Variants in HABP4 observed in about 807,000 individuals in gnomAD.
HABP4 encodes hyaluronan binding protein 4.
A neutral mutation model predicts 44.1 loss-of-function variants in HABP4; 32 were observed. The ratio of observed to expected loss-of-function variants is 0.73; its 90% CI spans 0.55 to 0.97. The LOEUF is 0.97. Ranked by LOEUF, HABP4 falls within the 50% of genes least tolerant of loss-of-function variation. The probability of loss-of-function intolerance (pLI) is 0.00; values close to 1 mark genes in which losing one functional copy is unlikely to be tolerated. For missense variants in HABP4, 503 were observed against 561.9 expected (o/e 0.90, Z 1.06); for synonymous variants, 216 against 218.0 (o/e 0.99, Z 0.08).
intron 5 of HABP4, among the ~76,000 whole-genome samples, chr9:96,474,132 G>A (rs949924025): frequency 9.2e-5 from 14 of 152,146 alleles, no homozygotes; most frequent in African/African-American, 3.4e-4. Flanking sequence ...AAGAGTGAAA[G>A]GCCACAGTGA....
At chr9:96,466,357 G>A (rs147775529) in intron 4 of HABP4, among the ~76,000 whole-genome samples, 1 of 152,038 alleles carries the variant, frequency 6.6e-6, no homozygotes, top group Non-Finnish European at 1.5e-5. Flanking sequence ...GTGACAGAGC[G>A]AGACACAGCA....
chr9:96,450,653 G>A lies in HABP4; in HGVS notation c.349+25G>A. 3 of 1,254,754 alleles carry A rather than the reference G, an allele frequency of 2.4e-6. No individual in the cohort carries two copies. The highest frequency in any genetic ancestry group is 5.9e-5 in the South Asian group (2 of 34,020). 77.7% of individuals were successfully genotyped at this position (1,254,754 alleles called of 1,614,324 possible). ...GGTACGCGGGGACAGCGGGGTTAGC[G>A]GACCACGGCTCGGCCCGCTGTGAGA... On this transcript the variant is annotated intron_variant, in intron 1 of 7. Coordinates refer to ENST00000375249, the MANE Select transcript of HABP4 (RefSeq NM_014282.4). The surrounding 1 kb of genome is among the most constrained non-coding windows in gnomAD (Gnocchi z 4.8).
chr9:96,467,072 G>A (rs1359035888), intron 4 of HABP4, among the ~76,000 whole-genome samples: 1 of 151,888 alleles, frequency 6.6e-6, no homozygotes, highest in East Asian at 1.9e-4. Context: ...ACAGGTGCAC[G>A]CCACCATGCC....
At chr9:96,470,117 G>A (rs555608692) in intron 4 of HABP4, among the ~76,000 whole-genome samples, 1 of 152,138 alleles carries the variant, frequency 6.6e-6, no homozygotes, top group Non-Finnish European at 1.5e-5. Flanking sequence ...AGACCAGCCT[G>A]AGGAACAAAG....
chr9:96,481,244 C>A (rs1039008416), intron 5 of HABP4, among the ~76,000 whole-genome samples: 11 of 152,114 alleles, frequency 7.2e-5, no homozygotes, highest in African/African-American at 2.7e-4. Context: ...CAGGCGTGTG[C>A]CACCACACCC....
At chr9:96,452,938 T>G (rs1832311976) in intron 1 of HABP4, among the ~76,000 whole-genome samples, 1 of 107,790 alleles carries the variant, frequency 9.3e-6, no homozygotes, top group Admixed American at 8.4e-5. Flanking sequence ...TTTTTTTTTT[T>G]GAGACAGAGT....
Position 96,450,419 on chromosome 9 carries a change from G to T in HABP4, c.140G>T (p.Arg47Leu). The T allele has an allele frequency of 3.0e-6, 1 of 338,386 alleles. No homozygotes were observed. Among genetic ancestry groups the T allele is most frequent in the Non-Finnish European group, 5.5e-6 (1 of 182,934 alleles). The allele number at this position is 338,386 out of a possible 1,614,324, so 21.0% of individuals were successfully genotyped here. A position where few individuals can be genotyped will look rare whatever the true frequency, so the allele number is the denominator to read the frequency against. Reference protein sequence around the residue: ...DPFDILREAERRRQQQLQRKR... With the variant: ...DPFDILREAELRRQQQLQRKR... ...TTCGACATCCTGCGCGAGGCCGAGC[G>T]CCGGCGCCAGCAGCAGCTGCAGCGC... is the stretch of plus-strand genomic sequence containing the variant. Residue 47 changes from arginine to leucine, a missense_variant, in exon 1 of 8, where the codon CGC (arginine) becomes CTC (leucine). Arg to Leu is a moderately radical substitution (Grantham distance 102). Transcript: ENST00000375249. The surrounding 1 kb of genome is among the most constrained non-coding windows in gnomAD (Gnocchi z 4.8).
intron 1 of HABP4, among the ~76,000 whole-genome samples, chr9:96,455,667 G>A (rs1338200937): frequency 1.3e-5 from 2 of 151,868 alleles, no homozygotes; most frequent in African/African-American, 2.4e-5. Flanking sequence ...TCAGGAGGCC[G>A]AGGCAGTAGA....
chr9:96,454,048 G>T (rs993315707), intron 1 of HABP4, among the ~76,000 whole-genome samples: 1 of 152,160 alleles, frequency 6.6e-6, no homozygotes, highest in Non-Finnish European at 1.5e-5. Flanking sequence ...GTAGCCAATT[G>T]TATTTAACAG....
At chr9:96,476,948 T>G (rs941724490) in intron 5 of HABP4, among the ~76,000 whole-genome samples, 18 of 152,374 alleles carry the variant, frequency 1.2e-4, no homozygotes, top group African/African-American at 4.3e-4. Context: ...CTGATACTGC[T>G]GAAGGAGGCT....
rs1832242393 is a variant in HABP4, at chr9:96,450,269, G to T, written c.-11G>T. 1.4e-6 allele frequency: 2 copies of T among 1,432,656 alleles called. No individual in the cohort carries two copies. The highest frequency in any genetic ancestry group is 2.5e-5 in the Admixed American group (1 of 39,916). 88.7% of individuals were successfully genotyped at this position (1,432,656 alleles called of 1,614,324 possible). Reference sequence around the variant, plus strand: ...GGGCTGCCCTCCCGGGCCCGCAGTGGTCGCGGCGGCATGAAGGGCGCTCTG... The same window carrying T: ...GGGCTGCCCTCCCGGGCCCGCAGTGTTCGCGGCGGCATGAAGGGCGCTCTG... On this transcript the variant is annotated 5_prime_UTR_variant, in exon 1 of 8. Transcript: ENST00000375249. The surrounding 1 kb of genome is among the most constrained non-coding windows in gnomAD (Gnocchi z 4.8).
chr9:96,462,285 CT>C (rs1373967439), intron 2 of HABP4, among the ~76,000 whole-genome samples: 3 of 151,546 alleles, frequency 2.0e-5, no homozygotes, highest in Non-Finnish European at 4.4e-5. Flanking sequence ...AACCACATCT[CT>C]ACTAAAAATA....
chr9:96,488,078 T>C lies in HABP4; in HGVS notation c.1000-11T>C, dbSNP rs761140410. On this transcript the variant is annotated splice_polypyrimidine_tract_variant and intron_variant, in intron 6 of 7. Transcript: ENST00000375249. The surrounding 1 kb of genome is among the most constrained non-coding windows in gnomAD (Gnocchi z 4.6). ...GACTTGTGCGTGTTTGATGCTGTAA[T>C]TGTGTTTCAGATGGTAAAAGATGAC... 3.7e-6 allele frequency: 6 copies of C among 1,600,906 alleles called. No individual in the cohort carries two copies. In the South Asian group the frequency reaches 4.4e-5, roughly 12 times the overall value.
rs150534457 is a variant in HABP4 at position 96,484,223 on chromosome 9, C to A, written c.828-239C>A. 1.2e-4 allele frequency: 44 copies of A among 377,426 alleles called. 1 individual carries two copies. In the East Asian group the frequency reaches 2.0e-3, roughly 17 times the overall value. The allele number at this position is 377,426 out of a possible 1,614,324, so 23.4% of individuals were successfully genotyped here. On this transcript the variant is annotated intron_variant, in intron 5 of 7. Transcript: ENST00000375249. ...TTAATGTCATCAGGATGGTGATGTTCCCATTTTTCAAAGATTGATTTGAAC... is the reference window on the plus strand; with the variant it reads ...TTAATGTCATCAGGATGGTGATGTTACCATTTTTCAAAGATTGATTTGAAC...
Position 96,471,107 on chromosome 9 carries a change from G to C in HABP4, c.827+13G>C. The C allele has an allele frequency of 1.5e-6, 2 of 1,356,434 alleles. No individual in the cohort carries two copies. Among genetic ancestry groups the C allele is most frequent in the Non-Finnish European group, 2.1e-6 (2 of 945,120 alleles). 84.0% of individuals were successfully genotyped at this position (1,356,434 alleles called of 1,614,324 possible). On this transcript the variant is annotated intron_variant, in intron 5 of 7. Coordinates refer to ENST00000375249, the MANE Select transcript of HABP4 (RefSeq NM_014282.4). ...AGTCTCCAGCCAAGTAGGGCATTTTGTTCATTCCCCATTGTGGTGTTGGTT... is the reference window on the plus strand; with the variant it reads ...AGTCTCCAGCCAAGTAGGGCATTTTCTTCATTCCCCATTGTGGTGTTGGTT...
At chr9:96,468,732 T>C (rs927455251) in intron 4 of HABP4, among the ~76,000 whole-genome samples, 6 of 152,210 alleles carry the variant, frequency 3.9e-5, no homozygotes, top group Non-Finnish European at 7.3e-5. Flanking sequence ...AATGGAAAGC[T>C]TTTCTTAGAA....
At chr9:96,452,595 G>A (rs1832305063) in intron 1 of HABP4, among the ~76,000 whole-genome samples, 1 of 152,134 alleles carries the variant, frequency 6.6e-6, no homozygotes, top group East Asian at 1.9e-4. Context: ...TGATTTTGTA[G>A]TTAGAACGGA....
chr9:96,469,400 A>G (rs1832656795), intron 4 of HABP4, among the ~76,000 whole-genome samples: 1 of 152,244 alleles, frequency 6.6e-6, no homozygotes. Context: ...AAAGCCTTGA[A>G]GTGTGTAACA....
intron 2 of HABP4, among the ~76,000 whole-genome samples, chr9:96,463,095 C>A (rs1832534020): frequency 6.6e-6 from 1 of 151,502 alleles, no homozygotes; most frequent in Non-Finnish European, 1.5e-5. Context: ...CAGGCATGCA[C>A]CACTATGCCT....
Sources: allele counts gnomAD v4.1 joint callset (sites outside exome capture counted in the v4.1 genomes callset), GRCh38; gene constraint gnomAD v4.1.1; non-coding constraint Gnocchi (gnomAD v3.1); transcripts MANE v1.5; gene names NCBI Gene and HGNC (gene_info 2026-07-23, HGNC 2026-07-21).